The following KIF6 variants were observed in gnomAD, a reference collection of about 807,000 sequenced individuals.
KIF6 encodes kinesin family member 6.
In KIF6, 106 loss-of-function variants were observed where a neutral mutation model predicts 112.7. The ratio of observed to expected loss-of-function variants is 0.94; its 90% CI spans 0.80 to 1.11. The LOEUF is 1.11. KIF6 is among the 50% of genes least tolerant of loss of function. The pLI, the probability that KIF6 is intolerant of heterozygous loss-of-function variation, is 0.00. For missense variants in KIF6, 929 were observed against 964.0 expected (o/e 0.96, Z 0.48); for synonymous variants, 339 against 339.9 (o/e 1.00, Z 0.03).
intron 13 of KIF6, among the ~76,000 whole-genome samples, chr6:39,506,971 C>G (rs1164161715): frequency 6.6e-6 from 1 of 152,188 alleles, no homozygotes; most frequent in African/African-American, 2.4e-5. Context: ...CTGTGCCTCT[C>G]TTCCACTTGG....
At chr6:39,468,806 A>G (rs1311652141) in intron 13 of KIF6, among the ~76,000 whole-genome samples, 1 of 152,126 alleles carries the variant, frequency 6.6e-6, no homozygotes, top group Non-Finnish European at 1.5e-5. Flanking sequence ...TTATATAGGT[A>G]ATTATAAAGG....
chr6:39,394,602 T>C (rs533041718), intron 15 of KIF6, among the ~76,000 whole-genome samples: 2 of 152,298 alleles, frequency 1.3e-5, no homozygotes, highest in African/African-American at 4.8e-5. Context: ...CTGAGAAGCC[T>C]TCTTCCCTTG....
intron 13 of KIF6, among the ~76,000 whole-genome samples, chr6:39,538,642 T>TG (rs1256460484): frequency 1.3e-5 from 2 of 150,050 alleles, no homozygotes; most frequent in Non-Finnish European, 3.0e-5. Context: ...GTTCAACCAT[T>TG]GTGGAAGTCA....
intron 13 of KIF6, among the ~76,000 whole-genome samples, chr6:39,468,334 C>T (rs1444011533): frequency 1.3e-5 from 2 of 151,858 alleles, no homozygotes; most frequent in African/African-American, 4.8e-5. Flanking sequence ...GCAAAAACAC[C>T]CCAAATTTGA....
At chr6:39,536,577 C>T (rs1463398621) in intron 13 of KIF6, among the ~76,000 whole-genome samples, 4 of 152,202 alleles carry the variant, frequency 2.6e-5, no homozygotes, top group Admixed American at 1.3e-4. Context: ...TAATCAATAG[C>T]TTACCAACGA....
intron 5 of KIF6, among the ~76,000 whole-genome samples, chr6:39,625,116 T>A (rs1462334560): frequency 1.4e-5 from 2 of 147,432 alleles, no homozygotes; most frequent in Admixed American, 1.4e-4. Context: ...AGACACCAAA[T>A]CTGCCAGTAC....
At position 39,596,279 on chromosome 6, in the gene KIF6, AC is replaced by A; in HGVS notation, c.640-20del. On this transcript the variant is annotated intron_variant, in intron 6 of 22. Coordinates refer to ENST00000287152, the MANE Select transcript of KIF6 (RefSeq NM_145027.6). Reference sequence around the variant, plus strand: ...TAGGAGTCTATAAAAAAATTGCAAAACAAAAATTATTTGAACAATGAAAATT... The same window carrying A: ...TAGGAGTCTATAAAAAAATTGCAAAAAAAAATTATTTGAACAATGAAAATT... The A allele has an allele frequency of 6.5e-7, 1 of 1,529,288 alleles. No individual in the cohort carries two copies. The highest frequency in any genetic ancestry group is 9.0e-7 in the Non-Finnish European group (1 of 1,105,848). 94.7% of individuals were successfully genotyped at this position (1,529,288 alleles called of 1,614,324 possible).
At chr6:39,601,589 G>C (rs1423098082) in intron 6 of KIF6, among the ~76,000 whole-genome samples, 1 of 151,966 alleles carries the variant, frequency 6.6e-6, no homozygotes, top group Non-Finnish European at 1.5e-5. Context: ...AGAGGACATT[G>C]GATGTATTAC....
chr6:39,714,006 T>C (rs981170565), intron 3 of KIF6, among the ~76,000 whole-genome samples: 1 of 152,210 alleles, frequency 6.6e-6, no homozygotes, highest in Non-Finnish European at 1.5e-5. Flanking sequence ...ATTAGCATCA[T>C]CCAGATGATT....
At position 39,718,244 on chromosome 6, in the gene KIF6, A is replaced by AG. The variant is rs1453946829; in HGVS notation, c.176+2457_176+2458insC. 7.7e-3 allele frequency among the ~76,000 whole-genome samples: 1,167 copies of AG among 151,278 alleles called. 19 individuals carry two copies. Among genetic ancestry groups the AG allele is most frequent in the African/African-American group, 0.027 (1,117 of 41,094 alleles). On this transcript the variant is annotated intron_variant, in intron 2 of 22. Transcript: ENST00000287152. ...GACTCCATCTCAAAAAAAAAAAAAA[A>AG]AAAAAAAAAGAATACTTTGGATAGG...
At chr6:39,604,324 T>C (rs1448417348) in intron 6 of KIF6, among the ~76,000 whole-genome samples, 1 of 152,160 alleles carries the variant, frequency 6.6e-6, no homozygotes, top group African/African-American at 2.4e-5. Context: ...TGAATTGAAT[T>C]AGGAAGCTTG....
chr6:39,630,538 C>A (rs1211602580), intron 5 of KIF6, among the ~76,000 whole-genome samples: 1 of 151,998 alleles, frequency 6.6e-6, no homozygotes, highest in Non-Finnish European at 1.5e-5. Flanking sequence ...ACCTTGTATT[C>A]TGCAACCTTG....
intron 13 of KIF6, among the ~76,000 whole-genome samples, chr6:39,474,904 T>G (rs1434359966): frequency 6.6e-6 from 1 of 152,264 alleles, no homozygotes; most frequent in Non-Finnish European, 1.5e-5. Flanking sequence ...GATTACTCAT[T>G]TATTCCTGTA....
chr6:39,708,595 T>C (rs906643732), intron 3 of KIF6, among the ~76,000 whole-genome samples: 4 of 152,156 alleles, frequency 2.6e-5, no homozygotes, highest in Admixed American at 6.5e-5. Flanking sequence ...TTACAAAACA[T>C]TGAATTTCCA....
intron 10 of KIF6, among the ~76,000 whole-genome samples, chr6:39,563,512 T>C (rs1780122036): frequency 6.6e-6 from 1 of 152,218 alleles, no homozygotes; most frequent in Non-Finnish European, 1.5e-5. Flanking sequence ...TATATGCATA[T>C]TATTTATATA....
At chr6:39,654,755 C>A (rs1211558976) in intron 3 of KIF6, among the ~76,000 whole-genome samples, 1 of 152,158 alleles carries the variant, frequency 6.6e-6, no homozygotes, top group African/African-American at 2.4e-5. Context: ...TGTCTTTTTA[C>A]CTTTTTAAAT....
At chr6:39,636,465 T>C (rs957573566) in intron 4 of KIF6, among the ~76,000 whole-genome samples, 2 of 151,996 alleles carry the variant, frequency 1.3e-5, no homozygotes, top group African/African-American at 2.4e-5. Context: ...AAATGGCCTA[T>C]TGATTACATT....
At chr6:39,658,327 A>T (rs1352352884) in intron 3 of KIF6, among the ~76,000 whole-genome samples, 1 of 152,196 alleles carries the variant, frequency 6.6e-6, no homozygotes, top group Non-Finnish European at 1.5e-5. Context: ...AGGTGGTTTA[A>T]AGTTATTCAC....
intron 16 of KIF6, among the ~76,000 whole-genome samples, chr6:39,373,852 A>T (rs1213680293): frequency 6.6e-6 from 1 of 152,138 alleles, no homozygotes. Context: ...CTCCAATGTT[A>T]TTTTTTTACA....
Sources: gnomAD v4.1 joint callset for allele counts (sites outside exome capture counted in the v4.1 genomes callset) on GRCh38, gnomAD v4.1.1 for gene constraint, MANE v1.5 for transcripts, NCBI Gene and HGNC (gene_info 2026-07-23, HGNC 2026-07-21) for gene names.